UBAC2: variants seen among roughly 807,000 people sequenced by gnomAD.
The protein encoded by UBAC2 is ubiquitin-associated domain-containing protein 2.
A neutral mutation model predicts 44.0 loss-of-function variants in UBAC2; 26 were observed. The ratio of observed to expected loss-of-function variants is 0.59; its 90% confidence interval spans 0.43 to 0.82. The LOEUF (loss-of-function observed/expected upper bound fraction) is 0.82, where lower values mean the gene tolerates loss of function less well. Ranked by LOEUF, UBAC2 falls within the 40% of genes least tolerant of loss-of-function variation. The pLI, the probability that UBAC2 is intolerant of heterozygous loss-of-function variation, is 0.00. For synonymous variants in UBAC2, 155 were observed against 154.3 expected (o/e 1.00, Z -0.04); for missense variants, 329 against 419.4 (o/e 0.78, Z 1.88).
intron 1 of UBAC2, among the ~76,000 whole-genome samples, chr13:99,216,348 G>A (rs1415120842): frequency 2.0e-5 from 3 of 152,100 alleles, no homozygotes; most frequent in Admixed American, 6.5e-5. Flanking sequence ...CAGGTGATCC[G>A]CTCACCTTGG....
intron 4 of UBAC2, chr13:99,258,455 A>G (rs903424684): frequency 3.3e-5 from 5 of 152,116 alleles, no homozygotes. Context: ...TTTCTCTTTC[A>G]CAAATGATTT....
At chr13:99,276,315 G>A (rs954644357) in intron 4 of UBAC2, among the ~76,000 whole-genome samples, 5 of 152,314 alleles carry the variant, frequency 3.3e-5, no homozygotes, top group African/African-American at 1.2e-4. Flanking sequence ...CCAGTCACAC[G>A]TTTCAGGACA....
chr13:99,238,584 G>T, intron 2 of UBAC2, 30 bp downstream of exon 2: 1 of 1,519,344 alleles, frequency 6.6e-7, no homozygotes. Context: ...CCCCTGAGAG[G>T]AGAGCGGACA....
At chr13:99,266,329 A>G (rs2043743287) in intron 4 of UBAC2, among the ~76,000 whole-genome samples, 1 of 152,136 alleles carries the variant, frequency 6.6e-6, no homozygotes, top group Non-Finnish European at 1.5e-5. Flanking sequence ...TGGGCCACAC[A>G]TAAAATACAC....
intron 6 of UBAC2, among the ~76,000 whole-genome samples, chr13:99,335,472 C>G (rs1363866347): frequency 6.6e-6 from 1 of 152,048 alleles, no homozygotes; most frequent in African/African-American, 2.4e-5. Flanking sequence ...TACCCTGTCC[C>G]CCATCACCCC....
intron 6 of UBAC2, among the ~76,000 whole-genome samples, chr13:99,324,036 C>T (rs574476924): frequency 5.3e-5 from 8 of 152,292 alleles, no homozygotes; most frequent in African/African-American, 1.9e-4. Context: ...TCACCTACCC[C>T]TGTCACTTCT....
chr13:99,256,430 T>C lies in UBAC2; in HGVS notation c.389+11806T>C, dbSNP rs372329866. 18 of 152,316 alleles carry C rather than the reference T, an allele frequency of 1.2e-4. No homozygotes were observed. The East Asian group carries it at 2.9e-3, about 24-fold the overall frequency. The allele number at this position is 152,316 out of a possible 1,614,324, so 9.4% of individuals were successfully genotyped here. A position where few individuals can be genotyped will look rare whatever the true frequency, so the allele number is the denominator to read the frequency against. On this transcript the variant is annotated intron_variant, in intron 4 of 8. Transcript: ENST00000403766. ...TGTTAGAGCAATAGATGAGCTGTTTTCTAGTGCACAATTGGGAGTACGTAA... is the reference window on the plus strand; with the variant it reads ...TGTTAGAGCAATAGATGAGCTGTTTCCTAGTGCACAATTGGGAGTACGTAA...
At chr13:99,221,845 C>T (rs1354772268) in intron 1 of UBAC2, among the ~76,000 whole-genome samples, 1 of 152,186 alleles carries the variant, frequency 6.6e-6, no homozygotes, top group African/African-American at 2.4e-5. Context: ...TCCTTCACTA[C>T]TGCTCCCTGG....
At chr13:99,231,259 T>G (rs2043169219) in intron 1 of UBAC2, among the ~76,000 whole-genome samples, 1 of 152,166 alleles carries the variant, frequency 6.6e-6, no homozygotes, top group South Asian at 2.1e-4. Context: ...TGTTGATAAG[T>G]TCACCTTCAC....
At chr13:99,244,034 G>A (rs2043351361) in intron 3 of UBAC2, 83 bp downstream of exon 3, 21 of 1,156,504 alleles carry the variant, frequency 1.8e-5, no homozygotes. Context: ...GTTAAACTTG[G>A]TGTTGTTATT....
chr13:99,370,908 T>C (rs1365033987), intron 8 of UBAC2, among the ~76,000 whole-genome samples: 1 of 152,210 alleles, frequency 6.6e-6, no homozygotes, highest in African/African-American at 2.4e-5. Flanking sequence ...TAACCTGCCA[T>C]GTGTAAAATC....
chr13:99,354,342 G>C (rs1266741469), intron 7 of UBAC2, among the ~76,000 whole-genome samples: 1 of 152,246 alleles, frequency 6.6e-6, no homozygotes, highest in Non-Finnish European at 1.5e-5. Context: ...AGAGAGAACT[G>C]TTTGGCCTTC....
rs886384696 is a variant in UBAC2 at position 99,312,074 on chromosome 13, T to G, written c.390-2023T>G. Among the ~76,000 whole-genome samples, 33 of 152,282 alleles carry G rather than the reference T, an allele frequency of 2.2e-4. 2 individuals carry two copies. The highest frequency in any genetic ancestry group is 6.5e-5 in the Admixed American group (1 of 15,294). ...CTAGCATTTGCTGCGTTTGTGTTGA[T>G]AGCAGTTGATGCGGCTGCCATTTAT... On this transcript the variant is annotated intron_variant, in intron 4 of 8. Coordinates refer to ENST00000403766, the MANE Select transcript of UBAC2 (RefSeq NM_001144072.2).
intron 7 of UBAC2, among the ~76,000 whole-genome samples, chr13:99,349,595 A>G (rs2045047474): frequency 6.6e-6 from 1 of 152,210 alleles, no homozygotes; most frequent in Non-Finnish European, 1.5e-5. Context: ...TCACGTAATC[A>G]CAGGACAGGG....
At chr13:99,368,516 T>C (rs938852699) in intron 8 of UBAC2, among the ~76,000 whole-genome samples, 2 of 152,174 alleles carry the variant, frequency 1.3e-5, no homozygotes, top group African/African-American at 4.8e-5. Flanking sequence ...CATAAAGGTA[T>C]GAGTATAGCA....
intron 4 of UBAC2, among the ~76,000 whole-genome samples, chr13:99,264,806 G>A (rs2043719390): frequency 6.6e-6 from 1 of 152,144 alleles, no homozygotes; most frequent in African/African-American, 2.4e-5. Context: ...TAGGAGCTTG[G>A]AGGCTGCATG....
intron 2 of UBAC2, among the ~76,000 whole-genome samples, chr13:99,242,853 C>T (rs9557185): frequency 0.18 from 18,222 of 100,026 alleles, 1,354 homozygotes; most frequent in East Asian, 0.39. Context: ...CGGGCAGAGA[C>T]GCTCCTCACC....
intron 4 of UBAC2, among the ~76,000 whole-genome samples, chr13:99,305,945 G>C (rs776918692): frequency 1.3e-4 from 20 of 152,150 alleles, no homozygotes; most frequent in Non-Finnish European, 2.5e-4. Context: ...GCCCAGGCTA[G>C]AGTGCAGTGG....
chr13:99,215,778 C>G (rs1301150715), intron 1 of UBAC2: 1 of 999,926 alleles, frequency 1.0e-6, no homozygotes. Flanking sequence ...TGCTGAAGCT[C>G]AAGCAAGGCA....
Sources: allele counts gnomAD v4.1 joint callset (sites outside exome capture counted in the v4.1 genomes callset), GRCh38; gene constraint gnomAD v4.1.1; transcripts MANE v1.5; gene names NCBI Gene and HGNC (gene_info 2026-07-23, HGNC 2026-07-21).